Variants in MMS22L observed in about 807,000 individuals in gnomAD.
The protein encoded by MMS22L is MMS22 like, DNA repair protein.
Under a neutral mutation model 159.1 loss-of-function variants are expected in MMS22L, and 74 were observed. The ratio of observed to expected loss-of-function variants is 0.47; its 90% CI spans 0.39 to 0.56. The LOEUF (loss-of-function observed/expected upper bound fraction) is 0.56, where lower values mean the gene tolerates loss of function less well. Among genes scored for constraint, MMS22L ranks in the 20% least tolerant of loss-of-function variants. The pLI is 0.00. For missense variants in MMS22L, 1,351 were observed against 1,422.1 expected, an observed-to-expected ratio of 0.95 and a Z score of 0.80; for synonymous variants, 517 against 506.9, an observed-to-expected ratio of 1.02 and a Z score of -0.27.
intron 16 of MMS22L, among the ~76,000 whole-genome samples, chr6:97,181,426 G>A (rs182936611): frequency 8.6e-5 from 13 of 152,034 alleles, no homozygotes; most frequent in African/African-American, 3.1e-4. Context: ...GGAAGACATT[G>A]TTCAGGTGAA....
intron 14 of MMS22L, among the ~76,000 whole-genome samples, chr6:97,190,355 T>G (rs1805739812): frequency 6.6e-6 from 1 of 152,126 alleles, no homozygotes; most frequent in Non-Finnish European, 1.5e-5. Flanking sequence ...CTGAAAGACA[T>G]AACACAAGGA....
At chr6:97,268,071 C>A in intron 7 of MMS22L, 69 bp from the exon 8 acceptor site, 4 of 1,082,952 alleles carry the variant, frequency 3.7e-6, no homozygotes, top group Admixed American at 3.7e-5. Context: ...AGTGACTGTA[C>A]ATCTTTAAAT....
At chr6:97,156,042 A>G (rs1455037898) in intron 22 of MMS22L, among the ~76,000 whole-genome samples, 1 of 152,180 alleles carries the variant, frequency 6.6e-6, no homozygotes, top group Non-Finnish European at 1.5e-5. Flanking sequence ...GTGAGATGGT[A>G]TCTCATTGTG....
intron 11 of MMS22L, chr6:97,246,013 C>A: frequency 4.2e-6 from 1 of 240,666 alleles, no homozygotes; most frequent in Non-Finnish European, 8.5e-6. Flanking sequence ...TCTCCATAAA[C>A]TCTTACAAAA....
chr6:97,155,494 T>C (rs1277729092), intron 22 of MMS22L, among the ~76,000 whole-genome samples: 1 of 152,088 alleles, frequency 6.6e-6, no homozygotes, highest in African/African-American at 2.4e-5. Flanking sequence ...CCCCGGTGTG[T>C]GATGTTCCCC....
rs1446336508 is a variant in MMS22L, at chr6:97,282,457, T to C, written c.21A>G (p.Ala7=). 9.3e-6 allele frequency: 15 copies of C among 1,612,994 alleles called. No homozygotes were observed. The highest frequency in any genetic ancestry group is 1.3e-5 in the African/African-American group (1 of 74,606). MENCSA[A]STFLTDSLEL... ...CTAAGCTGTCAGTCAGGAACGTCGA[T>C]GCAGCAGAACAGTTCTCCATTGTTT... The change falls in exon 2 of 25, where the codon GCA becomes GCG. Residue 7 remains alanine, a synonymous_variant. Coordinates refer to ENST00000683635, the MANE Select transcript of MMS22L (RefSeq NM_001350599.2).
chr6:97,163,994 G>C lies in MMS22L; in HGVS notation c.3221+1252C>G, dbSNP rs528223117. Among the ~76,000 whole-genome samples the C allele has an allele frequency of 2.4e-4, 37 of 152,100 alleles. No individual in the cohort carries two copies. In the South Asian group the frequency reaches 2.5e-3, roughly 10 times the overall value. On this transcript the variant is annotated intron_variant, in intron 21 of 24. Coordinates refer to ENST00000683635, the MANE Select transcript of MMS22L (RefSeq NM_001350599.2). ...TTTCATGGACAAAAAAGATATTGCA[G>C]GTTTAATGGCAGGGAAGTTTCATAA... is the stretch of plus-strand genomic sequence containing the variant.
chr6:97,152,552 A>T (rs1372207201), intron 22 of MMS22L, among the ~76,000 whole-genome samples: 3 of 152,138 alleles, frequency 2.0e-5, no homozygotes, highest in Non-Finnish European at 4.4e-5. Context: ...ATTAAATATA[A>T]GAAACCAGAG....
Position 97,282,481 on chromosome 6 carries a change from T to A in MMS22L, c.-4A>T, listed in dbSNP as rs537583133. Reference sequence around the variant, plus strand: ...ATGCAGCAGAACAGTTCTCCATTGTTTACTTCATGTTCTGAAACACTTGGG... The same window carrying A: ...ATGCAGCAGAACAGTTCTCCATTGTATACTTCATGTTCTGAAACACTTGGG... On this transcript the variant is annotated 5_prime_UTR_variant, in exon 2 of 25. The change abolishes the stop of an existing upstream ORF in the 5' untranslated region. Transcript: ENST00000683635. The A allele has an allele frequency of 6.9e-6, 11 of 1,604,490 alleles. No individual in the cohort carries two copies. In the South Asian group the frequency reaches 1.1e-4, roughly 16 times the overall value.
At chr6:97,166,420 C>T (rs191785562) in intron 20 of MMS22L, among the ~76,000 whole-genome samples, 1 of 152,032 alleles carries the variant, frequency 6.6e-6, no homozygotes, top group Admixed American at 6.6e-5. Flanking sequence ...CGGGTACTTA[C>T]CCAATAAGAA....
intron 14 of MMS22L, among the ~76,000 whole-genome samples, chr6:97,205,741 A>G (rs1008092152): frequency 6.6e-6 from 1 of 152,230 alleles, no homozygotes; most frequent in African/African-American, 2.4e-5. Flanking sequence ...TGCAAAAATG[A>G]CCACACATTA....
intron 11 of MMS22L, among the ~76,000 whole-genome samples, chr6:97,243,434 T>C (rs1049505185): frequency 1.3e-5 from 2 of 152,140 alleles, no homozygotes; most frequent in African/African-American, 2.4e-5. Flanking sequence ...GAAGTTGTGA[T>C]TGTTTTTTAT....
Position 97,151,857 on chromosome 6 carries a change from C to T in MMS22L, c.3396G>A (p.Leu1132=), listed in dbSNP as rs1801354991. The stretch of plus-strand genomic sequence containing the variant: ...CCATGTATTGCAGGTTCTCTGTGGC[C>T]AGCCTTTTAACTAGAAGGAAAAATT... ...VLVSEPQVKR[L]ATENLQYMVK... Residue 1132 remains leucine, a synonymous_variant, in exon 23 of 25, where the codon CTG becomes CTA. Coordinates refer to ENST00000683635, the MANE Select transcript of MMS22L (RefSeq NM_001350599.2). 1 of 1,613,228 alleles carries T rather than the reference C, an allele frequency of 6.2e-7. No individual in the cohort carries two copies. Among genetic ancestry groups the T allele is most frequent in the Admixed American group, 1.7e-5 (1 of 59,946 alleles).
chr6:97,190,176 C>T (rs375588524), intron 14 of MMS22L, among the ~76,000 whole-genome samples: 2 of 151,906 alleles, frequency 1.3e-5, no homozygotes, highest in East Asian at 3.8e-4. Context: ...CTAGAGGTAA[C>T]AATGTAAAAG....
intron 16 of MMS22L, among the ~76,000 whole-genome samples, chr6:97,181,085 C>T (rs1160991510): frequency 6.6e-6 from 1 of 151,932 alleles, no homozygotes; most frequent in Admixed American, 6.6e-5. Context: ...ACTATGGCTA[C>T]CAAGAGAAAA....
intron 14 of MMS22L, among the ~76,000 whole-genome samples, chr6:97,194,793 T>C (rs969114895): frequency 6.6e-6 from 1 of 152,134 alleles, no homozygotes; most frequent in Non-Finnish European, 1.5e-5. Context: ...TGGAAGAGAT[T>C]CTCAAAGGAT....
intron 14 of MMS22L, among the ~76,000 whole-genome samples, chr6:97,199,655 GT>G (rs1248058689): frequency 6.6e-6 from 1 of 150,978 alleles, no homozygotes; most frequent in African/African-American, 2.4e-5. Context: ...TGCCAATTGT[GT>G]TAATGGATCT....
intron 9 of MMS22L, among the ~76,000 whole-genome samples, chr6:97,263,004 G>GT (rs1283585578): frequency 6.6e-6 from 1 of 151,802 alleles, no homozygotes; most frequent in South Asian, 2.1e-4. Flanking sequence ...TAAATCTGCC[G>GT]TATTTCCTGA....
rs1802494177 is a variant in MMS22L at position 97,162,044 on chromosome 6, G to A, written c.3343C>T (p.Pro1115Ser). 6.2e-7 allele frequency: 1 copy of A among 1,612,004 alleles called. No individual in the cohort carries two copies. Residue 1115 changes from proline (P) to serine (S), a missense_variant, in exon 22 of 25, where the codon CCT becomes TCT. Transcript: ENST00000683635. ...TDIYEVELLL[P>S]GILKCLVLVS... ...AACACCAAGCATTTTAAAATGCCAGGGAGGAGTAGTTCAACTTCATAAATG... is the reference window on the plus strand; with the variant it reads ...AACACCAAGCATTTTAAAATGCCAGAGAGGAGTAGTTCAACTTCATAAATG...
Sources: gnomAD v4.1 joint callset for allele counts (sites outside exome capture counted in the v4.1 genomes callset) on GRCh38, gnomAD v4.1.1 for gene constraint, MANE v1.5 for transcripts, NCBI Gene and HGNC (gene_info 2026-07-23, HGNC 2026-07-21) for gene names.